Variants in DSCAM observed in about 807,000 individuals in gnomAD.
The protein encoded by DSCAM is DS cell adhesion molecule.
A neutral mutation model predicts 217.7 loss-of-function variants in DSCAM; 47 were observed. The ratio of observed to expected loss-of-function variants is 0.22; its 90% CI spans 0.17 to 0.28. The LOEUF is 0.28. DSCAM is among the 10% of genes least tolerant of loss of function. The pLI is 1.00. For synonymous variants in DSCAM, 1,056 were observed against 1,015.3 expected (o/e 1.04, Z -0.76); for missense variants, 2,080 against 2,618.3 (o/e 0.79, Z 4.49).
intron 3 of DSCAM, among the ~76,000 whole-genome samples, chr21:40,687,810 G>C (rs1390159274): frequency 6.6e-6 from 1 of 152,190 alleles, no homozygotes; most frequent in Admixed American, 6.5e-5. Flanking sequence ...AAGAGGGACA[G>C]TGCAGGAATC....
At chr21:40,114,557 A>G (rs1466067635) in intron 20 of DSCAM, among the ~76,000 whole-genome samples, 4 of 152,156 alleles carry the variant, frequency 2.6e-5, no homozygotes, top group African/African-American at 7.2e-5. Context: ...GCCAAAATTG[A>G]CAAATGGGAT....
chr21:40,127,586 C>T (rs2090108727), intron 19 of DSCAM, among the ~76,000 whole-genome samples: 1 of 152,332 alleles, frequency 6.6e-6, no homozygotes, highest in Middle Eastern at 3.4e-3. Flanking sequence ...CCCTTCTGAG[C>T]TGCAGATGCT....
At chr21:40,706,975 G>C (rs1179135733) in intron 2 of DSCAM, among the ~76,000 whole-genome samples, 1 of 152,168 alleles carries the variant, frequency 6.6e-6, no homozygotes, top group Non-Finnish European at 1.5e-5. Flanking sequence ...GGTAGGAAGA[G>C]GCAGGTAGCA....
Position 40,551,886 on chromosome 21 carries a change from C to A in DSCAM, c.508+140924G>T, listed in dbSNP as rs183808678. Among the ~76,000 whole-genome samples the A allele has an allele frequency of 2.6e-5, 4 of 152,274 alleles. No homozygotes were observed. The East Asian group carries it at 7.7e-4, about 29-fold the overall frequency. On this transcript the variant is annotated intron_variant, in intron 3 of 32. Transcript: ENST00000400454. Reference sequence around the variant, plus strand: ...TCTGTTCCTGTCATGGCCTGAACTACCTTTTCAGGTTTCCTTGGGTCCCTT... The same window carrying A: ...TCTGTTCCTGTCATGGCCTGAACTAACTTTTCAGGTTTCCTTGGGTCCCTT...
At chr21:40,465,594 G>T (rs1011744777) in intron 3 of DSCAM, among the ~76,000 whole-genome samples, 2 of 152,176 alleles carry the variant, frequency 1.3e-5, no homozygotes, top group African/African-American at 4.8e-5. Flanking sequence ...CGCGGCCCAG[G>T]ACGGCTTTGA....
At chr21:40,829,953 C>T (rs1386817885) in intron 1 of DSCAM, among the ~76,000 whole-genome samples, 1 of 152,176 alleles carries the variant, frequency 6.6e-6, no homozygotes, top group Non-Finnish European at 1.5e-5. Context: ...CCCACATCTT[C>T]CTTCAGAAAA....
chr21:40,818,297 A>T (rs2091899547), intron 1 of DSCAM, among the ~76,000 whole-genome samples: 1 of 151,564 alleles, frequency 6.6e-6, no homozygotes, highest in African/African-American at 2.4e-5. Flanking sequence ...CTGTAATCCC[A>T]GCACTTTGGG....
intron 3 of DSCAM, among the ~76,000 whole-genome samples, chr21:40,673,254 T>C (rs934409062): frequency 1.3e-5 from 2 of 150,698 alleles, no homozygotes; most frequent in Non-Finnish European, 2.9e-5. Flanking sequence ...GCTGTGATGG[T>C]GTCTTGTTTT....
chr21:40,188,017 T>G, intron 12 of DSCAM, 30 bp from the exon 13 acceptor site: 1 of 1,574,712 alleles, frequency 6.4e-7, no homozygotes, highest in Non-Finnish European at 8.7e-7. Flanking sequence ...AAATTCATCT[T>G]TTTCAGTAGG....
At chr21:40,627,575 C>G (rs756611640) in intron 3 of DSCAM, among the ~76,000 whole-genome samples, 24 of 152,148 alleles carry the variant, frequency 1.6e-4, no homozygotes, top group Non-Finnish European at 4.4e-5. Flanking sequence ...CTTAAGTCAC[C>G]TTGAAATACA....
At chr21:40,018,593 A>G (rs1194613486) in intron 32 of DSCAM, among the ~76,000 whole-genome samples, 5 of 152,202 alleles carry the variant, frequency 3.3e-5, no homozygotes, top group Admixed American at 2.6e-4. Context: ...AAACCTCCAC[A>G]AAGTAATAGC....
At chr21:40,487,024 G>A (rs2076034023) in intron 3 of DSCAM, among the ~76,000 whole-genome samples, 1 of 152,148 alleles carries the variant, frequency 6.6e-6, no homozygotes, top group African/African-American at 2.4e-5. Context: ...CACCAGGTAA[G>A]CAGGTGGTAA....
At chr21:40,315,512 A>G (rs1235812108) in intron 8 of DSCAM, among the ~76,000 whole-genome samples, 1 of 152,238 alleles carries the variant, frequency 6.6e-6, no homozygotes, top group African/African-American at 2.4e-5. Flanking sequence ...ATATGCACAT[A>G]CAAATTTTCA....
chr21:40,432,753 A>G (rs201245861), intron 3 of DSCAM, among the ~76,000 whole-genome samples: 2 of 152,188 alleles, frequency 1.3e-5, no homozygotes, highest in East Asian at 1.9e-4. Flanking sequence ...ACATGCATCA[A>G]CTTACTAAAT....
intron 3 of DSCAM, among the ~76,000 whole-genome samples, chr21:40,397,993 C>T (rs754813212): frequency 6.6e-6 from 1 of 152,182 alleles, no homozygotes; most frequent in Non-Finnish European, 1.5e-5. Context: ...ACTCTAAGAG[C>T]ACCCGGAGCA....
intron 8 of DSCAM, among the ~76,000 whole-genome samples, chr21:40,316,220 T>C (rs1272115177): frequency 2.6e-5 from 4 of 152,212 alleles, no homozygotes; most frequent in Admixed American, 2.0e-4. Flanking sequence ...AAAATTAGGT[T>C]TGCTATGTGT....
At chr21:40,306,945 C>A (rs1251461776) in intron 9 of DSCAM, among the ~76,000 whole-genome samples, 1 of 151,986 alleles carries the variant, frequency 6.6e-6, no homozygotes, top group Non-Finnish European at 1.5e-5. Flanking sequence ...ATCAGGATGA[C>A]GCTGGCCTCA....
intron 20 of DSCAM, among the ~76,000 whole-genome samples, chr21:40,120,217 A>G (rs563791666): frequency 6.6e-6 from 1 of 152,368 alleles, no homozygotes; most frequent in East Asian, 1.9e-4. Context: ...CAGGAACTGA[A>G]TAACATTATC....
At chr21:40,203,231 A>G (rs2178849) in intron 11 of DSCAM, among the ~76,000 whole-genome samples, 11,543 of 152,280 alleles carry the variant, frequency 0.076, 648 homozygotes, top group East Asian at 0.15. Flanking sequence ...AAATACCATC[A>G]ACCTTTCTGC....
Sources: allele counts gnomAD v4.1 joint callset (sites outside exome capture counted in the v4.1 genomes callset), GRCh38; gene constraint gnomAD v4.1.1; transcripts MANE v1.5; gene names NCBI Gene and HGNC (gene_info 2026-07-23, HGNC 2026-07-21).